Variants in PARG observed in about 807,000 individuals in gnomAD.
PARG encodes the protein poly(ADP-ribose) glycohydrolase.
Under a neutral mutation model 113.0 loss-of-function variants are expected in PARG, and 35 were observed. The observed-to-expected ratio is 0.31, with a 90% CI of 0.24 to 0.41. PARG has a LOEUF of 0.41. Among genes scored for constraint, PARG ranks in the 10% least tolerant of loss-of-function variants. The probability of loss-of-function intolerance (pLI) is 1.00; values close to 1 mark genes in which losing one functional copy is unlikely to be tolerated. For synonymous variants in PARG, 330 were observed against 409.9 expected (o/e 0.81, Z 2.36); for missense variants, 797 against 1,169.4 (o/e 0.68, Z 4.64).
chr10:49,921,817 G>A (rs1371198310), intron 6 of PARG, among the ~76,000 whole-genome samples: 1 of 151,030 alleles, frequency 6.6e-6, no homozygotes, highest in African/African-American at 2.4e-5. Context: ...AGTTACCCTT[G>A]CAGTCATAAA....
intron 13 of PARG, among the ~76,000 whole-genome samples, chr10:49,850,836 CTT>C (rs1484623789): frequency 2.6e-5 from 4 of 151,978 alleles, no homozygotes; most frequent in African/African-American, 9.7e-5. Context: ...CATACAAACA[CTT>C]TTGTACTAAA....
chr10:49,848,065 A>G (rs1266131337), intron 13 of PARG, among the ~76,000 whole-genome samples: 3 of 152,140 alleles, frequency 2.0e-5, no homozygotes, highest in African/African-American at 7.2e-5. Context: ...AACACGTAAT[A>G]TAAGGCCAGG....
intron 4 of PARG, among the ~76,000 whole-genome samples, chr10:49,925,676 T>C (rs1232251028): frequency 1.3e-5 from 2 of 152,172 alleles, no homozygotes; most frequent in Admixed American, 6.5e-5. Flanking sequence ...GGAAGAACTA[T>C]GGAAAGAAGA....
At position 49,915,971 on chromosome 10, in the gene PARG, A is replaced by G; in HGVS notation, c.1683T>C (p.Asn561=). Residue 561 remains asparagine, a synonymous_variant, in exon 7 of 18, where the codon AAT becomes AAC. Transcript: ENST00000616448. ...AGTCCCATTTCTTAGAATATGCCACATTGTATTTCAGAATAGCATCCTGTG... is the reference window on the plus strand; with the variant it reads ...AGTCCCATTTCTTAGAATATGCCACGTTGTATTTCAGAATAGCATCCTGTG... ...QNLKDAILKY[N]VAYSKKWDFT... 3 of 1,540,970 alleles carry G rather than the reference A, an allele frequency of 1.9e-6. No homozygotes were observed. Among genetic ancestry groups the G allele is most frequent in the Non-Finnish European group, 2.6e-6 (3 of 1,136,884 alleles).
rs1843960106 is a variant in PARG at position 49,819,472 on chromosome 10, T to C, written c.2799A>G (p.Leu933=). The change falls in exon 18 of 18, where the codon CTA becomes CTG. Residue 933 remains leucine, a synonymous_variant. Coordinates refer to ENST00000616448, the MANE Select transcript of PARG (RefSeq NM_003631.5). ...LTVGDVYKLL[L]RYYNEECRNC... Reference sequence around the variant, plus strand: ...TTCTGCATTCTTCATTGTAGTATCGTAGCAACAGCTTATACACATCTCCTG... The same window carrying C: ...TTCTGCATTCTTCATTGTAGTATCGCAGCAACAGCTTATACACATCTCCTG... The C allele has an allele frequency of 6.4e-7, 1 of 1,551,444 alleles. No homozygotes were observed. The highest frequency in any genetic ancestry group is 8.7e-7 in the Non-Finnish European group (1 of 1,146,734).
chr10:49,938,029 A>C (rs1838833400), intron 1 of PARG, among the ~76,000 whole-genome samples: 1 of 152,230 alleles, frequency 6.6e-6, no homozygotes, highest in African/African-American at 2.4e-5. Flanking sequence ...AATTTTAACT[A>C]GAAATAGTCA....
chr10:49,922,514 C>G (rs1315041808), intron 5 of PARG, 33 bp downstream of exon 5: 23 of 1,610,032 alleles, frequency 1.4e-5, no homozygotes, highest in Non-Finnish European at 1.9e-5. Flanking sequence ...AACCATTTTT[C>G]AGAGACTAAA....
At chr10:49,832,709 T>C in intron 16 of PARG, 94 bp downstream of exon 16, 1 of 593,060 alleles carries the variant, frequency 1.7e-6, no homozygotes, top group Non-Finnish European at 3.0e-6. Flanking sequence ...CTTAGATTTT[T>C]GTGGTCTCAT....
At chr10:49,835,836 C>T (rs1297492039) in intron 15 of PARG, among the ~76,000 whole-genome samples, 4 of 152,004 alleles carry the variant, frequency 2.6e-5, no homozygotes, top group Non-Finnish European at 2.9e-5. Context: ...AGTGATGTTG[C>T]AGTCAACAAC....
intron 7 of PARG, among the ~76,000 whole-genome samples, chr10:49,910,474 A>ATCTC (rs1837112134): frequency 6.6e-6 from 1 of 152,036 alleles, no homozygotes. Flanking sequence ...CTGTACTCCT[A>ATCTC]TCTCTCACTC....
chr10:49,866,073 A>T (rs1846500186), intron 10 of PARG, among the ~76,000 whole-genome samples: 1 of 146,672 alleles, frequency 6.8e-6, no homozygotes, highest in East Asian at 2.0e-4. Flanking sequence ...ATCTAAATGA[A>T]GTACTATTAA....
chr10:49,939,795 T>C (rs1473992239), intron 1 of PARG, among the ~76,000 whole-genome samples: 1 of 152,234 alleles, frequency 6.6e-6, no homozygotes, highest in Non-Finnish European at 1.5e-5. Context: ...ATCTTCCTCA[T>C]CCTTCAAGGC....
intron 16 of PARG, among the ~76,000 whole-genome samples, chr10:49,828,048 C>A: frequency 7.2e-6 from 1 of 139,110 alleles, no homozygotes. Flanking sequence ...GCAGAAGCCC[C>A]CCACGCAAAA....
intron 8 of PARG, among the ~76,000 whole-genome samples, chr10:49,883,372 C>T (rs1178668193): frequency 2.7e-5 from 4 of 150,812 alleles, no homozygotes; most frequent in Middle Eastern, 3.4e-3. Flanking sequence ...CAGCAAGAGG[C>T]GTTGGCCCTA....
At chr10:49,893,727 T>A (rs1436216004) in intron 7 of PARG, among the ~76,000 whole-genome samples, 1 of 151,782 alleles carries the variant, frequency 6.6e-6, no homozygotes, top group Non-Finnish European at 1.5e-5. Context: ...GGAGTCTCCC[T>A]GTGTTGCCCA....
At chr10:49,927,515 A>G (rs1456487631) in intron 4 of PARG, among the ~76,000 whole-genome samples, 1 of 152,020 alleles carries the variant, frequency 6.6e-6, no homozygotes, top group Non-Finnish European at 1.5e-5. Flanking sequence ...AGGACCTATG[A>G]AAAAGGCTTG....
intron 7 of PARG, among the ~76,000 whole-genome samples, chr10:49,907,594 A>G (rs1182528971): frequency 5.9e-5 from 9 of 152,210 alleles, no homozygotes; most frequent in Admixed American, 5.9e-4. Flanking sequence ...TAAAAATACT[A>G]CAATAGTCCT....
intron 1 of PARG, among the ~76,000 whole-genome samples, chr10:49,935,441 G>A (rs1838698976): frequency 6.6e-6 from 1 of 152,244 alleles, no homozygotes; most frequent in South Asian, 2.1e-4. Context: ...GTTACTCTGT[G>A]AGGGGTCATT....
At chr10:49,926,923 C>T (rs552197701) in intron 4 of PARG, among the ~76,000 whole-genome samples, 1 of 152,288 alleles carries the variant, frequency 6.6e-6, no homozygotes, top group Admixed American at 6.5e-5. Context: ...AACACCCCTA[C>T]TTCTCTTGCT....
Sources: allele counts gnomAD v4.1 joint callset (sites outside exome capture counted in the v4.1 genomes callset), GRCh38; gene constraint gnomAD v4.1.1; transcripts MANE v1.5; gene names NCBI Gene and HGNC (gene_info 2026-07-23, HGNC 2026-07-21).